Variants in ADGRL3 observed in about 807,000 individuals in gnomAD.
ADGRL3 encodes adhesion G protein-coupled receptor L3, also known as calcium-independent alpha-latrotoxin receptor 3.
Under a neutral mutation model 153.5 loss-of-function variants are expected in ADGRL3, and 62 were observed. The ratio of observed to expected loss-of-function variants is 0.40; its 90% CI spans 0.33 to 0.50. The LOEUF (loss-of-function observed/expected upper bound fraction) is 0.50, where lower values mean the gene tolerates loss of function less well. Among genes scored for constraint, ADGRL3 ranks in the 20% least tolerant of loss-of-function variants. The pLI is 0.47. For missense variants in ADGRL3, 1,641 were observed against 1,859.4 expected, an observed-to-expected ratio of 0.88 and a Z score of 2.16; for synonymous variants, 710 against 672.5, an observed-to-expected ratio of 1.06 and a Z score of -0.86.
intron 21 of ADGRL3, among the ~76,000 whole-genome samples, chr4:62,027,986 T>C (rs945366376): frequency 6.6e-5 from 10 of 151,898 alleles, no homozygotes; most frequent in African/African-American, 2.2e-4. Context: ...TTTTCATCAG[T>C]GGTTCTCTTT....
At chr4:62,026,107 T>C (rs143373991) in intron 21 of ADGRL3, among the ~76,000 whole-genome samples, 3 of 152,306 alleles carry the variant, frequency 2.0e-5, no homozygotes, top group East Asian at 1.9e-4. Flanking sequence ...ATATTACTTA[T>C]CTCATTTTTG....
In ADGRL3 at chr4:62,070,532, A is replaced by T. The variant is rs984706998; in HGVS notation, c.4256A>T (p.Tyr1419Phe). ...ACCGAGAACCACCAGCCACACCATT[A>T]TACCAGAAGGCGGATCCCCCAAGAC... ...YSTENHQPHH[Y>F]TRRRIPQDHS... The change falls in exon 27 of 27, where the codon TAT becomes TTT. Residue 1419 changes from tyrosine to phenylalanine, a missense_variant. Physicochemically the swap from Tyr to Phe is conservative, Grantham distance 22. Coordinates refer to ENST00000683033, the MANE Select transcript of ADGRL3 (RefSeq NM_001387552.1). 4 of 1,549,494 alleles carry T rather than the reference A, an allele frequency of 2.6e-6. No individual in the cohort carries two copies. In the African/African-American group the frequency reaches 5.5e-5, roughly 21 times the overall value.
intron 21 of ADGRL3, among the ~76,000 whole-genome samples, chr4:62,016,173 C>T (rs142377287): frequency 2.0e-5 from 3 of 151,924 alleles, no homozygotes; most frequent in Admixed American, 1.3e-4. Context: ...CTCAGCCTCC[C>T]GTGTAGCTGG....
At chr4:61,755,304 C>T (rs76309189) in intron 8 of ADGRL3, among the ~76,000 whole-genome samples, 72,437 of 148,344 alleles carry the variant, frequency 0.49, 18,131 homozygotes, top group East Asian at 0.71. Context: ...TTTTAATGAT[C>T]ACCATTCTAA....
At chr4:61,488,867 A>G (rs560496131) in intron 2 of ADGRL3, among the ~76,000 whole-genome samples, 4 of 151,930 alleles carry the variant, frequency 2.6e-5, no homozygotes, top group Non-Finnish European at 4.4e-5. Flanking sequence ...ATTTTCTCCT[A>G]TGTACCATGA....
intron 8 of ADGRL3, among the ~76,000 whole-genome samples, chr4:61,795,010 CATGA>C (rs1479750654): frequency 6.6e-6 from 1 of 152,188 alleles, no homozygotes. Context: ...AAGCACTTTA[CATGA>C]ATAATTTTAT....
intron 13 of ADGRL3, among the ~76,000 whole-genome samples, chr4:61,924,150 A>G (rs2098783529): frequency 6.6e-6 from 1 of 152,080 alleles, no homozygotes; most frequent in African/African-American, 2.4e-5. Context: ...TCGGTAGTCA[A>G]TGCATACCTT....
intron 1 of ADGRL3, among the ~76,000 whole-genome samples, chr4:61,348,748 C>T (rs1056650468): frequency 6.6e-6 from 1 of 151,944 alleles, no homozygotes; most frequent in Non-Finnish European, 1.5e-5. Context: ...CTTTATTAGA[C>T]ACTGTTTCAT....
At chr4:62,042,976 A>T (rs1729167775) in intron 24 of ADGRL3, among the ~76,000 whole-genome samples, 2 of 152,040 alleles carry the variant, frequency 1.3e-5, no homozygotes, top group Admixed American at 6.6e-5. Flanking sequence ...ACTCACCTGA[A>T]ATCATTTAGT....
At chr4:61,479,786 G>T (rs1280967188) in intron 2 of ADGRL3, among the ~76,000 whole-genome samples, 1 of 152,058 alleles carries the variant, frequency 6.6e-6, no homozygotes, top group Non-Finnish European at 1.5e-5. Flanking sequence ...TGTTCCTAAT[G>T]ATATGGGTTC....
chr4:61,748,248 A>G (rs1211335158), intron 8 of ADGRL3, among the ~76,000 whole-genome samples: 1 of 152,204 alleles, frequency 6.6e-6, no homozygotes, highest in Admixed American at 6.5e-5. Context: ...GCTCATGGGT[A>G]GGAAGAATCA....
At chr4:61,932,103 T>G (rs2150112082) in intron 13 of ADGRL3, among the ~76,000 whole-genome samples, 1 of 152,066 alleles carries the variant, frequency 6.6e-6, no homozygotes, top group African/African-American at 2.4e-5. Context: ...GTCTTTCAGG[T>G]TTTCTGTATA....
chr4:62,005,176 T>C (rs187193174), intron 21 of ADGRL3, among the ~76,000 whole-genome samples: 8 of 152,320 alleles, frequency 5.3e-5, no homozygotes, highest in African/African-American at 1.9e-4. Context: ...CAAAAAGCTG[T>C]TCATTCTGCA....
At chr4:61,628,681 T>C (rs902931682) in intron 5 of ADGRL3, among the ~76,000 whole-genome samples, 2 of 152,198 alleles carry the variant, frequency 1.3e-5, no homozygotes, top group African/African-American at 4.8e-5. Flanking sequence ...AAGATTACTC[T>C]TAGCATTTTT....
In ADGRL3 at chr4:61,671,043, C is replaced by A. The variant is rs536728319; in HGVS notation, c.474-5783C>A. The stretch of plus-strand genomic sequence containing the variant: ...CAGGGGTGGTACAGGTGTGTTCTTG[C>A]AGGCATTGTCCCCCTTCTGAGACTC... On this transcript the variant is annotated intron_variant, in intron 5 of 26. Coordinates refer to ENST00000683033, the MANE Select transcript of ADGRL3 (RefSeq NM_001387552.1). Among the ~76,000 whole-genome samples, 9 of 152,304 alleles carry A rather than the reference C, an allele frequency of 5.9e-5. No homozygotes were observed. The South Asian group carries it at 1.7e-3, about 28-fold the overall frequency.
intron 6 of ADGRL3, among the ~76,000 whole-genome samples, chr4:61,705,641 G>A (rs554531688): frequency 3.8e-4 from 58 of 151,992 alleles, no homozygotes; most frequent in Non-Finnish European, 6.9e-4. Flanking sequence ...GGGATTACAG[G>A]CATGCACCAC....
chr4:61,845,294 T>C (rs905577610), intron 9 of ADGRL3, among the ~76,000 whole-genome samples: 1 of 152,006 alleles, frequency 6.6e-6, no homozygotes, highest in Non-Finnish European at 1.5e-5. Flanking sequence ...TCTTTTTCTC[T>C]TCTTCTCTTT....
intron 8 of ADGRL3, among the ~76,000 whole-genome samples, chr4:61,769,972 C>A (rs548358890): frequency 1.3e-5 from 2 of 152,260 alleles, no homozygotes; most frequent in South Asian, 4.1e-4. Context: ...TCTGGGCGTA[C>A]AGGTGCAGGT....
At chr4:61,689,311 G>A (rs1010415762) in intron 6 of ADGRL3, among the ~76,000 whole-genome samples, 4 of 151,962 alleles carry the variant, frequency 2.6e-5, no homozygotes, top group African/African-American at 7.3e-5. Context: ...TGGTCTTTGG[G>A]CCATGTTCTT....
Sources: allele counts gnomAD v4.1 joint callset (sites outside exome capture counted in the v4.1 genomes callset), GRCh38; gene constraint gnomAD v4.1.1; transcripts MANE v1.5; gene names NCBI Gene and HGNC (gene_info 2026-07-23, HGNC 2026-07-21).